THSD4: variants seen among roughly 807,000 people sequenced by gnomAD.
THSD4 encodes the protein thrombospondin type 1 domain containing 4.
Under a neutral mutation model 119.0 loss-of-function variants are expected in THSD4, and 69 were observed. The observed-to-expected ratio is 0.58, with a 90% CI of 0.48 to 0.71. The LOEUF (loss-of-function observed/expected upper bound fraction) is 0.71. Among genes scored for constraint, THSD4 ranks in the 30% least tolerant of loss-of-function variants. The pLI is 0.00. For synonymous variants in THSD4, 524 were observed against 540.4 expected (o/e 0.97, Z 0.42); for missense variants, 1,393 against 1,391.1 (o/e 1.00, Z -0.02).
intron 7 of THSD4, among the ~76,000 whole-genome samples, chr15:71,614,692 A>G (rs1012412957): frequency 6.6e-6 from 1 of 152,248 alleles, no homozygotes; most frequent in Non-Finnish European, 1.5e-5. Flanking sequence ...TGAGAGGTCA[A>G]TATTGGTTAT....
At chr15:71,673,813 G>C (rs1047428944) in intron 8 of THSD4, among the ~76,000 whole-genome samples, 1 of 152,314 alleles carries the variant, frequency 6.6e-6, no homozygotes, top group East Asian at 1.9e-4. Context: ...CTAGAGTGCA[G>C]TGGCAAGATC....
At position 71,486,778 on chromosome 15, in the gene THSD4, G is replaced by A. The variant is rs564901978; in HGVS notation, c.1152+74955G>A. Among the ~76,000 whole-genome samples, 24 of 152,136 alleles carry A rather than the reference G, an allele frequency of 1.6e-4. 1 individual carries two copies. The highest frequency in any genetic ancestry group is 2.8e-4 in the Non-Finnish European group (19 of 68,010). On this transcript the variant is annotated intron_variant, in intron 7 of 17. Transcript: ENST00000261862. Reference sequence around the variant, plus strand: ...GCTCATGGTGAGGTAATTCTCCCACGCTTTGCAATTTTGGAGTGTGAGCTA... The same window carrying A: ...GCTCATGGTGAGGTAATTCTCCCACACTTTGCAATTTTGGAGTGTGAGCTA...
rs777188353 is a variant in THSD4 at position 71,745,232 on chromosome 15, C to T, written c.2033C>T (p.Ala678Val). ...CCCTGCAACATCTTCCCTTGCCCAG[C>T]CTTGTAAGAAGGCCCCTCCATTTAG... ...EEPCNIFPCP[A>V]FWDIGEWSEC... Residue 678 changes from alanine to valine, a missense_variant, in exon 12 of 18, where the codon GCC becomes GTC. Physicochemically the swap from Ala to Val is moderately conservative, Grantham distance 64 (BLOSUM62 0). Transcript: ENST00000261862. The T allele has an allele frequency of 6.2e-6, 10 of 1,613,706 alleles. No individual in the cohort carries two copies. The South Asian group carries it at 1.1e-4, about 18-fold the overall frequency.
At chr15:71,130,249 A>C (rs1260109352) in intron 1 of THSD4, among the ~76,000 whole-genome samples, 1 of 152,146 alleles carries the variant, frequency 6.6e-6, no homozygotes, top group Non-Finnish European at 1.5e-5. Context: ...GCAGTGGCAT[A>C]GTCTCGGTTC....
At chr15:71,640,975 C>G (rs2050845790) in intron 7 of THSD4, among the ~76,000 whole-genome samples, 1 of 120,020 alleles carries the variant, frequency 8.3e-6, no homozygotes, top group East Asian at 3.4e-4. Flanking sequence ...CAAAACCCAC[C>G]TACAGACACA....
intron 7 of THSD4, among the ~76,000 whole-genome samples, chr15:71,614,174 A>G (rs2050282119): frequency 6.6e-6 from 1 of 152,246 alleles, no homozygotes; most frequent in South Asian, 2.1e-4. Context: ...TCCCAAAAGT[A>G]GAAGTAAGTA....
chr15:71,623,171 G>C (rs951497866), intron 7 of THSD4, among the ~76,000 whole-genome samples: 1 of 152,170 alleles, frequency 6.6e-6, no homozygotes, highest in African/African-American at 2.4e-5. Context: ...AAAACTGAGT[G>C]TTAGGAACAC....
At chr15:71,353,316 TAAAC>T (rs930325940) in intron 6 of THSD4, among the ~76,000 whole-genome samples, 4 of 152,232 alleles carry the variant, frequency 2.6e-5, no homozygotes, top group Admixed American at 6.5e-5. Flanking sequence ...AATTGTTTGA[TAAAC>T]AAGGCATGTG....
chr15:71,266,876 A>G (rs1195256134), intron 6 of THSD4, among the ~76,000 whole-genome samples: 1 of 152,018 alleles, frequency 6.6e-6, no homozygotes, highest in East Asian at 1.9e-4. Flanking sequence ...TTGAAGATCA[A>G]CTTAATGAAA....
chr15:71,210,310 A>T (rs2043878810), intron 3 of THSD4, among the ~76,000 whole-genome samples: 1 of 152,188 alleles, frequency 6.6e-6, no homozygotes, highest in Non-Finnish European at 1.5e-5. Flanking sequence ...TTAATTAGAT[A>T]ATATATATAA....
intron 8 of THSD4, among the ~76,000 whole-genome samples, chr15:71,677,042 A>G (rs1490591405): frequency 6.6e-6 from 1 of 152,248 alleles, no homozygotes; most frequent in Non-Finnish European, 1.5e-5. Context: ...TGTCTACAGC[A>G]ACTGCCCCAT....
chr15:71,727,769 C>CA (rs11446418), intron 8 of THSD4, among the ~76,000 whole-genome samples: 49,312 of 126,062 alleles, frequency 0.39, 10,090 homozygotes, highest in African/African-American at 0.58. Context: ...GACCCTGTCT[C>CA]AAAAAAAAAA....
At chr15:71,472,158 C>T (rs2047589477) in intron 7 of THSD4, among the ~76,000 whole-genome samples, 1 of 152,084 alleles carries the variant, frequency 6.6e-6, no homozygotes, top group Non-Finnish European at 1.5e-5. Flanking sequence ...TTCAAGTGAC[C>T]CTCCTGCCTC....
chr15:71,599,054 C>G (rs2049959369), intron 7 of THSD4, among the ~76,000 whole-genome samples: 1 of 152,196 alleles, frequency 6.6e-6, no homozygotes, highest in Admixed American at 6.5e-5. Context: ...CTGAACTCCA[C>G]TTGCACTACT....
At chr15:71,154,803 C>G in intron 2 of THSD4, 60 bp from the exon 3 acceptor site, 2 of 1,560,250 alleles carry the variant, frequency 1.3e-6, no homozygotes, top group Admixed American at 3.3e-5. Context: ...GCTGCCTTCC[C>G]TGGGTGCTGC....
intron 3 of THSD4, among the ~76,000 whole-genome samples, chr15:71,164,291 T>C (rs549071442): frequency 1.3e-5 from 2 of 151,208 alleles, no homozygotes; most frequent in East Asian, 1.9e-4. Flanking sequence ...TTCAGACCTA[T>C]GAAAAGGACA....
chr15:71,113,890 C>T (rs1405245834), upstream of THSD4: 3 of 151,674 alleles, frequency 2.0e-5, no homozygotes, highest in Admixed American at 6.6e-5. Flanking sequence ...GTGTATAATT[C>T]AGTGACATTA....
At chr15:71,333,141 C>G (rs188074938) in intron 6 of THSD4, among the ~76,000 whole-genome samples, 1 of 151,468 alleles carries the variant, frequency 6.6e-6, no homozygotes, top group African/African-American at 2.4e-5. Flanking sequence ...TTGCTGCCCA[C>G]GAGGTGGGGG....
intron 4 of THSD4, among the ~76,000 whole-genome samples, chr15:71,226,421 G>A (rs1432819673): frequency 6.6e-6 from 1 of 152,146 alleles, no homozygotes; most frequent in African/African-American, 2.4e-5. Flanking sequence ...TGTTTGAAAG[G>A]TTCGTTCATT....
Sources: allele counts gnomAD v4.1 joint callset (sites outside exome capture counted in the v4.1 genomes callset), GRCh38; gene constraint gnomAD v4.1.1; transcripts MANE v1.5; gene names NCBI Gene and HGNC (gene_info 2026-07-23, HGNC 2026-07-21).